The following SND1 variants were observed in gnomAD, a reference collection of about 807,000 sequenced individuals.
SND1 encodes the protein staphylococcal nuclease and tudor domain containing 1, also known as staphylococcal nuclease domain-containing protein 1.
In SND1, 38 loss-of-function variants were observed where a neutral mutation model predicts 121.7. The observed-to-expected ratio is 0.31, with a 90% confidence interval of 0.24 to 0.41. The LOEUF (loss-of-function observed/expected upper bound fraction) is 0.41, where lower values mean the gene tolerates loss of function less well. Among genes scored for constraint, SND1 ranks in the 10% least tolerant of loss-of-function variants. SND1 has a pLI of 1.00. For missense variants in SND1, 868 were observed against 1,184.6 expected (o/e 0.73, Z 3.92); for synonymous variants, 401 against 447.4 (o/e 0.90, Z 1.31).
At chr7:127,790,492 A>G (rs942258135) in intron 10 of SND1, among the ~76,000 whole-genome samples, 5 of 152,200 alleles carry the variant, frequency 3.3e-5, no homozygotes, top group Non-Finnish European at 7.3e-5. Context: ...GTTAAATTAG[A>G]GTTCACCTTT....
chr7:128,073,087 T>C lies in SND1; in HGVS notation c.1780-1415T>C, dbSNP rs373308703. Among the ~76,000 whole-genome samples the C allele has an allele frequency of 9.9e-5, 15 of 152,212 alleles. No homozygotes were observed. The East Asian group carries it at 1.2e-3, about 12-fold the overall frequency. Reference sequence around the variant, plus strand: ...TGGCAGTGGAAGGAAGGGCTGCTCCTGAAACAGAAGGCTGTGGAAAGGGGG... The same window carrying C: ...TGGCAGTGGAAGGAAGGGCTGCTCCCGAAACAGAAGGCTGTGGAAAGGGGG... On this transcript the variant is annotated intron_variant, in intron 16 of 23. Coordinates refer to ENST00000354725, the MANE Select transcript of SND1 (RefSeq NM_014390.4).
chr7:128,015,376 C>A lies in SND1; in HGVS notation c.1779+24320C>A, dbSNP rs148575694. Among the ~76,000 whole-genome samples, 574 of 152,340 alleles carry A rather than the reference C, an allele frequency of 3.8e-3. 5 individuals carry two copies. The highest frequency in any genetic ancestry group is 0.013 in the African/African-American group (541 of 41,584). On this transcript the variant is annotated intron_variant, in intron 16 of 23. Coordinates refer to ENST00000354725, the MANE Select transcript of SND1 (RefSeq NM_014390.4). The surrounding 1 kb of genome is among the most constrained non-coding windows in gnomAD (Gnocchi z 4.5). ...GTTCATATTTTGCAGAAAACACTTTCCAGCCTTCATCAGCGCTAATCTGTT... is the reference window on the plus strand; with the variant it reads ...GTTCATATTTTGCAGAAAACACTTTACAGCCTTCATCAGCGCTAATCTGTT...
chr7:127,829,534 CACTG>C (rs1211135259), intron 11 of SND1, among the ~76,000 whole-genome samples: 1 of 152,194 alleles, frequency 6.6e-6, no homozygotes, highest in Non-Finnish European at 1.5e-5. Flanking sequence ...CTCCTTAGGC[CACTG>C]ACTGCTCTCA....
At chr7:128,041,016 A>G (rs930881328) in intron 16 of SND1, among the ~76,000 whole-genome samples, 1 of 152,174 alleles carries the variant, frequency 6.6e-6, no homozygotes, top group African/African-American at 2.4e-5. Flanking sequence ...TCATCTAAGG[A>G]GTTCCAGGGA....
chr7:128,074,773 G>GA (rs761593946), intron 17 of SND1, 83 bp downstream of exon 17: 9 of 1,327,708 alleles, frequency 6.8e-6, no homozygotes, highest in Non-Finnish European at 9.3e-6. Flanking sequence ...AGAACAGGAG[G>GA]AAGTTCTCTC....
chr7:128,060,219 G>A (rs891937488), intron 16 of SND1, among the ~76,000 whole-genome samples: 2 of 152,084 alleles, frequency 1.3e-5, no homozygotes, highest in African/African-American at 2.4e-5. Flanking sequence ...TCCCTCGTTC[G>A]CATGTGGGAA....
At chr7:128,074,462 G>C in intron 16 of SND1, 40 bp from the exon 17 acceptor site, 1 of 1,574,422 alleles carries the variant, frequency 6.4e-7, no homozygotes, top group Non-Finnish European at 8.7e-7. Context: ...GCACACTCAG[G>C]CCTGGCCCCC....
intron 14 of SND1, among the ~76,000 whole-genome samples, chr7:127,905,085 T>C (rs1172849658): frequency 6.6e-6 from 1 of 152,194 alleles, no homozygotes; most frequent in Admixed American, 6.5e-5. Flanking sequence ...GTATTTTGAG[T>C]TTGGAAGGTA....
At chr7:127,695,781 A>C (rs1042829112) in intron 3 of SND1, among the ~76,000 whole-genome samples, 1 of 152,306 alleles carries the variant, frequency 6.6e-6, no homozygotes, top group African/African-American at 2.4e-5. Context: ...AGCCATGATC[A>C]TGCCACTGCA....
At chr7:127,879,966 AAGT>A (rs1157858852) in intron 12 of SND1, among the ~76,000 whole-genome samples, 4 of 152,204 alleles carry the variant, frequency 2.6e-5, no homozygotes, top group African/African-American at 4.8e-5. Flanking sequence ...ACTATCAGTG[AAGT>A]AGTAGTTCCC....
At chr7:128,069,032 C>T (rs149087635) in intron 16 of SND1, among the ~76,000 whole-genome samples, 5 of 152,336 alleles carry the variant, frequency 3.3e-5, no homozygotes, top group Admixed American at 6.5e-5. Flanking sequence ...CAGCACCCAC[C>T]GCTTTGGCCC....
At position 127,928,745 on chromosome 7, in the gene SND1, T is replaced by C. The variant is rs1488906164; in HGVS notation, c.1528-443T>C. ...CTGGGATTACAGGCATGTGCCACCA[T>C]GCCCGGCTAATTTTTTTCTATTTTT... On this transcript the variant is annotated intron_variant, in intron 14 of 23. Transcript: ENST00000354725. Among the ~76,000 whole-genome samples, 4 of 152,184 alleles carry C rather than the reference T, an allele frequency of 2.6e-5. No homozygotes were observed. The East Asian group carries it at 7.8e-4, about 29-fold the overall frequency.
chr7:127,956,675 G>T (rs762807326), intron 15 of SND1, among the ~76,000 whole-genome samples: 3 of 152,176 alleles, frequency 2.0e-5, no homozygotes, highest in African/African-American at 7.2e-5. Flanking sequence ...GCAAGCTACA[G>T]TTTAGGGCAC....
At chr7:128,039,486 T>A (rs1468614547) in intron 16 of SND1, among the ~76,000 whole-genome samples, 2 of 151,906 alleles carry the variant, frequency 1.3e-5, no homozygotes. Flanking sequence ...ATTACTAGCC[T>A]GATTTTTTTT....
intron 15 of SND1, among the ~76,000 whole-genome samples, chr7:127,941,325 A>G (rs1801195473): frequency 6.6e-6 from 1 of 152,144 alleles, no homozygotes; most frequent in South Asian, 2.1e-4. Context: ...CTTTGTAGAA[A>G]ACTTTCTATT....
intron 12 of SND1, among the ~76,000 whole-genome samples, chr7:127,848,203 A>G (rs937315288): frequency 2.6e-5 from 4 of 152,246 alleles, no homozygotes; most frequent in Admixed American, 6.5e-5. Context: ...TGCTTAAACA[A>G]TAGAGGTGAA....
At chr7:127,964,653 C>T (rs1221339163) in intron 15 of SND1, among the ~76,000 whole-genome samples, 24 of 151,702 alleles carry the variant, frequency 1.6e-4, no homozygotes, top group African/African-American at 4.4e-4. Context: ...TTTTGGTTAC[C>T]GTAGCCTTGT....
At chr7:128,057,162 ATG>A (rs1232812058) in intron 16 of SND1, among the ~76,000 whole-genome samples, 1 of 152,184 alleles carries the variant, frequency 6.6e-6, no homozygotes, top group African/African-American at 2.4e-5. Flanking sequence ...CCACGGGTAA[ATG>A]AGACTGTGGA....
At chr7:127,652,756 A>G (rs1296550859) in intron 1 of SND1, among the ~76,000 whole-genome samples, 1 of 152,144 alleles carries the variant, frequency 6.6e-6, no homozygotes, top group African/African-American at 2.4e-5. Flanking sequence ...CAATTCGTTG[A>G]TATCTGTCCT....
Sources: gnomAD v4.1 joint callset for allele counts (sites outside exome capture counted in the v4.1 genomes callset) on GRCh38, gnomAD v4.1.1 for gene constraint, Gnocchi (gnomAD v3.1) non-coding constraint, MANE v1.5 for transcripts, NCBI Gene and HGNC (gene_info 2026-07-23, HGNC 2026-07-21) for gene names.